The following FAT1 variants were observed in gnomAD, a reference collection of about 807,000 sequenced individuals.
FAT1 encodes protocadherin Fat 1.
In FAT1, 171 loss-of-function variants were observed where a neutral mutation model predicts 329.8. That is an observed-to-expected ratio of 0.52 (90% CI 0.46 to 0.59). The LOEUF is 0.59. Ranked by LOEUF, FAT1 falls within the 20% of genes least tolerant of loss-of-function variation. FAT1 has a pLI of 0.00. For missense variants in FAT1, 5,672 were observed against 5,774.4 expected (o/e 0.98, Z 0.57); for synonymous variants, 2,233 against 2,228.6 (o/e 1.00, Z -0.06).
intron 2 of FAT1, among the ~76,000 whole-genome samples, chr4:186,676,882 C>A (rs1742981764): frequency 6.6e-6 from 1 of 152,146 alleles, no homozygotes; most frequent in Non-Finnish European, 1.5e-5. Context: ...TCAAAATAAA[C>A]CCTAAGAATC....
At chr4:186,601,580 T>C in intron 20 of FAT1, 154 bp from the exon 21 acceptor site, 1 of 523,248 alleles carries the variant, frequency 1.9e-6, no homozygotes, top group Non-Finnish European at 3.2e-6. Context: ...TCTATTTGCT[T>C]AATGAAAAGC....
At chr4:186,714,183 G>A (rs1579501058) in intron 1 of FAT1, among the ~76,000 whole-genome samples, 1 of 152,190 alleles carries the variant, frequency 6.6e-6, no homozygotes, top group Non-Finnish European at 1.5e-5. Flanking sequence ...GTCAGAGGCT[G>A]CAGCCACAAC....
intron 3 of FAT1, among the ~76,000 whole-genome samples, chr4:186,654,498 G>C (rs188764082): frequency 6.6e-6 from 1 of 152,258 alleles, no homozygotes; most frequent in Admixed American, 6.5e-5. Flanking sequence ...CTCTCCAAGG[G>C]AACAGGCATG....
chr4:186,697,717 G>T (rs992964342), intron 2 of FAT1, among the ~76,000 whole-genome samples: 1 of 152,144 alleles, frequency 6.6e-6, no homozygotes, highest in African/African-American at 2.4e-5. Context: ...CTTGCAGGTT[G>T]TAAGGCATTA....
Position 186,600,263 on chromosome 4 carries a change from G to A in FAT1, c.11738C>T (p.Ala3913Val). ...SIQVNDGQWH[A>V]VALEVNGNYA... Reference sequence around the variant, plus strand: ...GTTTCCATTCACTTCCAGGGCCACTGCGTGCCACTGCCCATCATTGACCTG... The same window carrying A: ...GTTTCCATTCACTTCCAGGGCCACTACGTGCCACTGCCCATCATTGACCTG... The change falls in exon 22 of 27, where the codon GCA becomes GTA. Residue 3913 changes from alanine to valine, a missense_variant. Ala to Val is a moderately conservative substitution (Grantham distance 64, BLOSUM62 0). Coordinates refer to ENST00000441802, the MANE Select transcript of FAT1 (RefSeq NM_005245.4). 2 of 1,613,888 alleles carry A rather than the reference G, an allele frequency of 1.2e-6. No individual in the cohort carries two copies. The highest frequency in any genetic ancestry group is 1.7e-6 in the Non-Finnish European group (2 of 1,179,838).
intron 18 of FAT1, 104 bp from the exon 19 acceptor site, chr4:186,604,081 G>GTAGA: frequency 1.2e-6 from 1 of 853,208 alleles, no homozygotes; most frequent in Non-Finnish European, 1.8e-6. Flanking sequence ...TTACTAACTG[G>GTAGA]TAGATACTCA....
At chr4:186,680,090 G>A (rs920358796) in intron 2 of FAT1, among the ~76,000 whole-genome samples, 3 of 152,186 alleles carry the variant, frequency 2.0e-5, no homozygotes, top group Non-Finnish European at 4.4e-5. Context: ...ATCCCAACAC[G>A]ACTGCAAATT....
At chr4:186,715,243 C>A (rs923080952) in intron 1 of FAT1, among the ~76,000 whole-genome samples, 11 of 151,636 alleles carry the variant, frequency 7.3e-5, no homozygotes, top group African/African-American at 2.7e-4. Context: ...TGCTCAGTCC[C>A]ACCACAGCCC....
intron 1 of FAT1, among the ~76,000 whole-genome samples, chr4:186,715,657 T>A (rs1408814096): frequency 6.6e-6 from 1 of 152,194 alleles, no homozygotes. Flanking sequence ...CCTTTGCTTA[T>A]GGAAATTAAA....
rs746537099 is a variant in FAT1, at chr4:186,603,767, C to T, written c.10759G>A (p.Asp3587Asn). 5 of 1,613,952 alleles carry T rather than the reference C, an allele frequency of 3.1e-6. No individual in the cohort carries two copies. The South Asian group carries it at 5.5e-5, about 18-fold the overall frequency. The change falls in exon 19 of 27, where the codon GAC becomes AAC. Residue 3587 changes from aspartate (D) to asparagine (N), a missense_variant. Transcript: ENST00000441802. ...TLTYSLDPQM[D>N]NLFSVSSTGG... ...GTGCTGGAAACAGAGAACAGGTTGT[C>T]CATCTGAGGGTCGAGACTGTAGGTT...
intron 2 of FAT1, among the ~76,000 whole-genome samples, chr4:186,667,269 C>G (rs769502419): frequency 7.9e-5 from 12 of 152,198 alleles, no homozygotes; most frequent in Non-Finnish European, 1.8e-4. Context: ...ACCGACCCAT[C>G]AGCTGTACAA....
At chr4:186,689,606 G>A (rs534512990) in intron 2 of FAT1, among the ~76,000 whole-genome samples, 1 of 150,462 alleles carries the variant, frequency 6.6e-6, no homozygotes, top group Admixed American at 6.6e-5. Context: ...AGCCATGCCA[G>A]GATCTAGGCC....
chr4:186,703,312 A>G (rs537677866), intron 2 of FAT1, among the ~76,000 whole-genome samples: 1 of 152,300 alleles, frequency 6.6e-6, no homozygotes, highest in South Asian at 2.1e-4. Flanking sequence ...AGTCCATAGA[A>G]TTTCTACTTC....
chr4:186,688,450 C>T (rs555559360), intron 2 of FAT1, among the ~76,000 whole-genome samples: 16 of 152,258 alleles, frequency 1.1e-4, no homozygotes, highest in Non-Finnish European at 2.2e-4. Flanking sequence ...ACAGGGGCTT[C>T]GGCAAATCCC....
chr4:186,664,378 T>C (rs1483588790), intron 2 of FAT1, among the ~76,000 whole-genome samples: 2 of 152,164 alleles, frequency 1.3e-5, no homozygotes, highest in Non-Finnish European at 2.9e-5. Flanking sequence ...CACATCATTC[T>C]TAAATACCAG....
At chr4:186,639,278 A>C (rs1177221795) in intron 4 of FAT1, among the ~76,000 whole-genome samples, 1 of 152,240 alleles carries the variant, frequency 6.6e-6, no homozygotes, top group East Asian at 1.9e-4. Flanking sequence ...CAAAAAAATG[A>C]ATCTGGAAAC....
intron 2 of FAT1, among the ~76,000 whole-genome samples, chr4:186,664,988 G>T (rs149825328): frequency 6.6e-6 from 1 of 152,034 alleles, no homozygotes. Context: ...TAACTTATTC[G>T]AGGTTAATAT....
In FAT1 at chr4:186,611,738, A is replaced by T; in HGVS notation, c.9501T>A (p.Ser3167=). 1 of 1,584,930 alleles carries T rather than the reference A, an allele frequency of 6.3e-7. No individual in the cohort carries two copies. Among genetic ancestry groups the T allele is most frequent in the Non-Finnish European group, 8.6e-7 (1 of 1,164,320 alleles). The change falls in exon 14 of 27, where the codon TCT becomes TCA. Residue 3167 remains serine, a synonymous_variant. Transcript: ENST00000441802. ...CGTTAATGGAGAACTGCCCATCAGC[A>T]GAGTCAATCAGTGAGTATAAAATCT... The part of the protein sequence containing the change: ...NRKILYSLID[S]ADGQFSINEL...
rs772201790 is a variant in FAT1, at chr4:186,597,093, A to G, written c.12447T>C (p.Tyr4149=). 6.2e-7 allele frequency: 1 copy of G among 1,613,872 alleles called. No individual in the cohort carries two copies. Among genetic ancestry groups the G allele is most frequent in the Non-Finnish European group, 8.5e-7 (1 of 1,179,900 alleles). The change falls in exon 25 of 27, where the codon TAT becomes TAC. Residue 4149 remains tyrosine, a synonymous_variant. Transcript: ENST00000441802. ...GALCENTHGS[Y]HCNCSHEYRG... is the part of the protein sequence containing the mutation. ...TGTACTCGTGGCTGCAGTTGCAGTG[A>G]TAGGAGCCGTGCGTGTTCTCACAGA... is the stretch of plus-strand genomic sequence containing the variant.
Sources: gnomAD v4.1 joint callset for allele counts (sites outside exome capture counted in the v4.1 genomes callset) on GRCh38, gnomAD v4.1.1 for gene constraint, MANE v1.5 for transcripts, NCBI Gene and HGNC (gene_info 2026-07-23, HGNC 2026-07-21) for gene names.